The following DOCK5 variants were observed in gnomAD, a reference collection of about 807,000 sequenced individuals.
DOCK5 encodes dedicator of cytokinesis protein 5.
A neutral mutation model predicts 251.8 loss-of-function variants in DOCK5; 142 were observed. The observed-to-expected ratio is 0.56, with a 90% CI of 0.49 to 0.65. The LOEUF (loss-of-function observed/expected upper bound fraction) is 0.65, where lower values mean the gene tolerates loss of function less well. Among genes scored for constraint, DOCK5 ranks in the 30% least tolerant of loss-of-function variants. The pLI, the probability that DOCK5 is intolerant of heterozygous loss-of-function variation, is 0.00. For synonymous variants in DOCK5, 842 were observed against 835.5 expected (o/e 1.01, Z -0.13); for missense variants, 2,111 against 2,312.3 (o/e 0.91, Z 1.79).
intron 1 of DOCK5, among the ~76,000 whole-genome samples, chr8:25,221,067 A>G (rs191719208): frequency 1.3e-5 from 2 of 152,110 alleles, no homozygotes; most frequent in Admixed American, 6.5e-5. Flanking sequence ...TCTGTCCCTA[A>G]CTGGGACCAA....
intron 36 of DOCK5, 133 bp from the exon 37 acceptor site, chr8:25,374,431 G>A (rs1034217782): frequency 7.2e-6 from 6 of 834,190 alleles, no homozygotes; most frequent in Admixed American, 2.5e-5. Flanking sequence ...GGGGCTTAAG[G>A]CTGCAGTGAG....
chr8:25,310,319 A>T, intron 12 of DOCK5, 88 bp from the exon 13 acceptor site: 3 of 1,370,034 alleles, frequency 2.2e-6, no homozygotes, highest in Non-Finnish European at 2.9e-6. Context: ...GGTTGTGACT[A>T]TACAACTCAA....
rs577667911 is a variant in DOCK5 at position 25,311,732 on chromosome 8, A to G, written c.1318+1200A>G. Among the ~76,000 whole-genome samples, 148 of 150,666 alleles carry G rather than the reference A, an allele frequency of 9.8e-4. 4 individuals carry two copies. In the South Asian group the frequency reaches 0.026, roughly 26 times the overall value. On this transcript the variant is annotated intron_variant, in intron 13 of 51. Transcript: ENST00000276440. ...AGGTCAGGACTTCGAGTCCAGCCTG[A>G]CCAACGTGGTGAAACCCTGTCTCTA...
intron 1 of DOCK5, among the ~76,000 whole-genome samples, chr8:25,193,445 A>G (rs1586216785): frequency 6.6e-6 from 1 of 151,824 alleles, no homozygotes; most frequent in African/African-American, 2.4e-5. Flanking sequence ...ACCATTTTAA[A>G]TAGAAAAATC....
At chr8:25,220,952 T>G (rs73673866) in intron 1 of DOCK5, among the ~76,000 whole-genome samples, 10,124 of 151,900 alleles carry the variant, frequency 0.067, 876 homozygotes, top group African/African-American at 0.2. Context: ...CCCGTGGGAG[T>G]GGAGAAGGGA....
chr8:25,254,458 C>T (rs186713077), intron 2 of DOCK5, among the ~76,000 whole-genome samples: 1 of 151,978 alleles, frequency 6.6e-6, no homozygotes, highest in East Asian at 1.9e-4. Flanking sequence ...AGTTAAGCCA[C>T]AGTATGGAAG....
chr8:25,279,469 G>GC (rs1804131400), intron 5 of DOCK5, among the ~76,000 whole-genome samples: 3 of 142,344 alleles, frequency 2.1e-5, no homozygotes, highest in South Asian at 4.5e-4. Flanking sequence ...TTTCCTTAAT[G>GC]TTTTTTTTTT....
In DOCK5 at chr8:25,300,466, C is replaced by T. The variant is rs1804733097; in HGVS notation, c.765-110C>T. The T allele has an allele frequency of 3.2e-6, 3 of 927,622 alleles. No homozygotes were observed. The South Asian group carries it at 5.3e-5, about 16-fold the overall frequency. 57.5% of individuals were successfully genotyped at this position (927,622 alleles called of 1,614,324 possible). The stretch of plus-strand genomic sequence containing the variant: ...TTTCACACCGGCCTGTTGAATTTCA[C>T]TGAGCATTTCTGGCCTTTCCTCCTT... On this transcript the variant is annotated intron_variant, in intron 8 of 51. Coordinates refer to ENST00000276440, the MANE Select transcript of DOCK5 (RefSeq NM_024940.8).
chr8:25,390,309 A>G, intron 42 of DOCK5, 22 bp downstream of exon 42: 1 of 1,536,718 alleles, frequency 6.5e-7, no homozygotes, highest in Non-Finnish European at 8.8e-7. Context: ...TTCATTTAAA[A>G]AAAAAAAAAA....
rs990514241 is a variant in DOCK5, at chr8:25,209,167, C to T, written c.43+24216C>T. Among the ~76,000 whole-genome samples the T allele has an allele frequency of 2.7e-5, 2 of 73,658 alleles. 1 individual carries two copies. The highest frequency in any genetic ancestry group is 9.1e-5 in the Non-Finnish European group (2 of 22,056). 48.3% of individuals were successfully genotyped at this position (73,658 alleles called of 152,430 possible). ...TATGAAATGCCATTTGAAGGAGGCT[C>T]AGAGCACATTAGCGCCGTCATCCCT... On this transcript the variant is annotated intron_variant, in intron 1 of 51. Coordinates refer to ENST00000276440, the MANE Select transcript of DOCK5 (RefSeq NM_024940.8).
intron 1 of DOCK5, among the ~76,000 whole-genome samples, chr8:25,235,277 C>T (rs745578434): frequency 5.9e-5 from 9 of 152,092 alleles, no homozygotes; most frequent in Non-Finnish European, 1.3e-4. Flanking sequence ...CTGTCGCCTA[C>T]GTAGTGCAGT....
At chr8:25,378,661 C>G (rs927810839) in intron 38 of DOCK5, among the ~76,000 whole-genome samples, 1 of 152,170 alleles carries the variant, frequency 6.6e-6, no homozygotes, top group African/African-American at 2.4e-5. Context: ...CTGCTAGCCT[C>G]AGACACTGAG....
At chr8:25,319,076 G>C (rs758107338) in intron 14 of DOCK5, among the ~76,000 whole-genome samples, 3 of 152,156 alleles carry the variant, frequency 2.0e-5, no homozygotes, top group Non-Finnish European at 4.4e-5. Flanking sequence ...GCCCCACCAA[G>C]GCCTGGTTCT....
intron 1 of DOCK5, among the ~76,000 whole-genome samples, chr8:25,224,455 T>C (rs922458563): frequency 1.3e-5 from 2 of 152,322 alleles, no homozygotes; most frequent in Admixed American, 1.3e-4. Flanking sequence ...TAAACAAATA[T>C]CTCCTTTTCA....
At chr8:25,188,028 C>G (rs1244343541) in intron 1 of DOCK5, among the ~76,000 whole-genome samples, 2 of 152,192 alleles carry the variant, frequency 1.3e-5, no homozygotes, top group Non-Finnish European at 1.5e-5. Flanking sequence ...AACAGGTGTA[C>G]CAGGTATTAG....
At chr8:25,378,696 A>G (rs1801008202) in intron 38 of DOCK5, among the ~76,000 whole-genome samples, 2 of 152,206 alleles carry the variant, frequency 1.3e-5, no homozygotes, top group Non-Finnish European at 2.9e-5. Flanking sequence ...TGTAACTTAC[A>G]TGGTTATACA....
At chr8:25,194,990 G>A (rs573094810) in intron 1 of DOCK5, among the ~76,000 whole-genome samples, 1 of 151,824 alleles carries the variant, frequency 6.6e-6, no homozygotes, top group Admixed American at 6.6e-5. Flanking sequence ...GCGCAATCTT[G>A]GCTCACTGCA....
At chr8:25,334,247 T>C (rs1805747243) in intron 21 of DOCK5, 51 bp downstream of exon 21, 9 of 1,437,068 alleles carry the variant, frequency 6.3e-6, no homozygotes, top group Non-Finnish European at 7.8e-6. Flanking sequence ...GGATTTGTAC[T>C]CTTAGGACTG....
intron 11 of DOCK5, among the ~76,000 whole-genome samples, chr8:25,306,557 A>T (rs1413914261): frequency 6.6e-6 from 1 of 151,668 alleles, no homozygotes; most frequent in Non-Finnish European, 1.5e-5. Context: ...ATCTGGGCAC[A>T]GTGGCGGGCG....
Sources: gnomAD v4.1 joint callset for allele counts (sites outside exome capture counted in the v4.1 genomes callset) on GRCh38, gnomAD v4.1.1 for gene constraint, MANE v1.5 for transcripts, NCBI Gene and HGNC (gene_info 2026-07-23, HGNC 2026-07-21) for gene names.